The following ARFGEF1 variants were observed in gnomAD, a reference collection of about 807,000 sequenced individuals.
ARFGEF1 encodes the protein ARF guanine nucleotide exchange factor 1.
ARFGEF1 carries 42 observed loss-of-function variants against 231.0 expected under a neutral mutation model. The observed-to-expected ratio is 0.18, with a 90% CI of 0.14 to 0.24. ARFGEF1 has a LOEUF of 0.24. Among genes scored for constraint, ARFGEF1 ranks in the 10% least tolerant of loss-of-function variants. The pLI, the probability that ARFGEF1 is intolerant of heterozygous loss-of-function variation, is 1.00. For missense variants in ARFGEF1, 1,345 were observed against 2,192.0 expected (o/e 0.61, Z 7.72); for synonymous variants, 710 against 732.3 (o/e 0.97, Z 0.49).
At chr8:67,207,257 T>A (rs1331049245) in intron 34 of ARFGEF1, 2 of 152,206 alleles carry the variant, frequency 1.3e-5, no homozygotes, top group Non-Finnish European at 2.9e-5. Flanking sequence ...GACTCCAGAA[T>A]GGACTTAGCA....
At chr8:67,244,338 A>AGGTTCAAT (rs1840039137) in intron 19 of ARFGEF1, among the ~76,000 whole-genome samples, 1 of 92,470 alleles carries the variant, frequency 1.1e-5, no homozygotes, top group African/African-American at 4.8e-5. Flanking sequence ...TTTTTTGAGG[A>AGGTTCAAT]TCTCACTCTG....
downstream of ARFGEF1, chr8:67,175,256 C>A: frequency 1.3e-6 from 2 of 1,489,642 alleles, no homozygotes; most frequent in Non-Finnish European, 1.8e-6. Context: ...CATTTGAAAA[C>A]AACATTTAAC....
chr8:67,220,987 A>G (rs909943031), intron 29 of ARFGEF1, among the ~76,000 whole-genome samples: 1 of 151,818 alleles, frequency 6.6e-6, no homozygotes. Context: ...TCAGTCAACA[A>G]TGAACTGCAT....
At chr8:67,326,400 CA>C (rs779396771) in intron 1 of ARFGEF1, among the ~76,000 whole-genome samples, 5 of 152,300 alleles carry the variant, frequency 3.3e-5, no homozygotes, top group Non-Finnish European at 7.4e-5. Context: ...GGGCTTTCTA[CA>C]AACATTAAAA....
At chr8:67,291,337 T>C (rs1052026456) in intron 6 of ARFGEF1, among the ~76,000 whole-genome samples, 1 of 152,082 alleles carries the variant, frequency 6.6e-6, no homozygotes. Context: ...TTTTAGTGAT[T>C]ACTATGCATC....
intron 1 of ARFGEF1, among the ~76,000 whole-genome samples, chr8:67,320,556 T>C (rs1448245777): frequency 1.3e-5 from 2 of 152,198 alleles, no homozygotes; most frequent in Admixed American, 6.5e-5. Flanking sequence ...AATCTGTACA[T>C]GAATATTTAT....
intron 36 of ARFGEF1, 84 bp downstream of exon 36, chr8:67,202,995 GCAGA>G: frequency 7.4e-7 from 1 of 1,360,078 alleles, no homozygotes; most frequent in Non-Finnish European, 1.0e-6. Flanking sequence ...CAGACCTATA[GCAGA>G]CAGTCAATGA....
chr8:67,258,326 TTTC>T, intron 15 of ARFGEF1, 36 bp from the exon 16 acceptor site: 2 of 1,431,458 alleles, frequency 1.4e-6, no homozygotes, highest in South Asian at 1.3e-5. Context: ...TGATATTTTC[TTTC>T]TTTTTTTTTT....
intron 19 of ARFGEF1, among the ~76,000 whole-genome samples, chr8:67,245,918 A>C (rs1840091173): frequency 6.6e-6 from 1 of 150,586 alleles, no homozygotes; most frequent in Non-Finnish European, 1.5e-5. Flanking sequence ...ATTCCATGCA[A>C]ATGGAAAGCA....
chr8:67,195,385 A>G, downstream of ARFGEF1: 1 of 1,612,984 alleles, frequency 6.2e-7, no homozygotes, highest in African/African-American at 1.3e-5. Flanking sequence ...CCTGTAGATG[A>G]TGAGAGTTCA....
At chr8:67,233,142 AT>A (rs1314494191) in intron 22 of ARFGEF1, among the ~76,000 whole-genome samples, 197 bp from the exon 23 acceptor site, 1 of 152,058 alleles carries the variant, frequency 6.6e-6, no homozygotes, top group Non-Finnish European at 1.5e-5. Context: ...TATACAACAC[AT>A]GGTTATAAGT....
intron 34 of ARFGEF1, 85 bp downstream of exon 34, chr8:67,211,398 T>C: frequency 3.1e-6 from 3 of 971,524 alleles, no homozygotes; most frequent in East Asian, 2.8e-5. Context: ...TAGTATATGC[T>C]TGTTAATAAT....
chr8:67,214,951 G>A (rs1838876026), intron 33 of ARFGEF1, among the ~76,000 whole-genome samples: 1 of 152,182 alleles, frequency 6.6e-6, no homozygotes, highest in South Asian at 2.1e-4. Context: ...GCCCCAGAGG[G>A]CAGAATATCA....
Position 67,267,171 on chromosome 8 carries a change from T to C in ARFGEF1, c.1732A>G (p.Ile578Val), listed in dbSNP as rs749240943. 1.9e-5 allele frequency: 31 copies of C among 1,613,414 alleles called. No individual in the cohort carries two copies. Among genetic ancestry groups the C allele is most frequent in the Non-Finnish European group, 2.6e-5 (31 of 1,179,702 alleles). Residue 578 changes from isoleucine to valine, a missense_variant, in exon 12 of 39, where the codon ATA (isoleucine) becomes GTA (valine). This residue lies in a region of ARFGEF1 where 141 missense variants were observed against 259.9 expected (regional missense o/e 0.54). Coordinates refer to ENST00000262215, the MANE Select transcript of ARFGEF1 (RefSeq NM_006421.5). ...NYDCDLNAAN[I>V]FERLVNDLSK... ...AGATCATTTACTAGTCTTTCAAATA[T>C]ATTGGCTGCATTTAAGTCACAGTCA...
At chr8:67,305,119 G>A (rs115979882) in intron 1 of ARFGEF1, among the ~76,000 whole-genome samples, 2,467 of 152,234 alleles carry the variant, frequency 0.016, 70 homozygotes, top group African/African-American at 0.057. Context: ...ATTTTAAAGA[G>A]CACTGTGTTT....
intron 22 of ARFGEF1, among the ~76,000 whole-genome samples, chr8:67,235,743 C>T (rs1268743736): frequency 2.0e-5 from 3 of 152,060 alleles, no homozygotes; most frequent in Admixed American, 2.0e-4. Context: ...TTCAAGACTG[C>T]AGTGACCTAT....
At chr8:67,336,811 T>C (rs1378743419) in intron 1 of ARFGEF1, among the ~76,000 whole-genome samples, 1 of 151,970 alleles carries the variant, frequency 6.6e-6, no homozygotes, top group East Asian at 1.9e-4. Flanking sequence ...CTCATTTCTT[T>C]GATAAAAAAA....
intron 29 of ARFGEF1, among the ~76,000 whole-genome samples, chr8:67,222,219 A>ATATG (rs1267893212): frequency 1.0e-3 from 119 of 115,088 alleles, no homozygotes; most frequent in East Asian, 5.0e-3. Flanking sequence ...ACACATATAT[A>ATATG]TATATGTATA....
chr8:67,315,929 C>T (rs1003688909), intron 1 of ARFGEF1, among the ~76,000 whole-genome samples: 1 of 150,518 alleles, frequency 6.6e-6, no homozygotes, highest in Non-Finnish European at 1.5e-5. Context: ...AAAAGCAGCA[C>T]AGAATAAACC....
Sources: gnomAD v4.1 joint callset for allele counts (sites outside exome capture counted in the v4.1 genomes callset) on GRCh38, gnomAD v4.1.1 for gene constraint, gnomAD v4.1.1 regional missense constraint, MANE v1.5 for transcripts, NCBI Gene and HGNC (gene_info 2026-07-23, HGNC 2026-07-21) for gene names.